DOCK8: variants seen among roughly 807,000 people sequenced by gnomAD.
DOCK8 encodes the protein dedicator of cytokinesis protein 8.
In DOCK8, 141 loss-of-function variants were observed where a neutral mutation model predicts 245.6. The ratio of observed to expected loss-of-function variants is 0.57; its 90% CI spans 0.50 to 0.66. DOCK8 has a LOEUF of 0.66. DOCK8 is among the 30% of genes least tolerant of loss of function. The pLI is 0.00. For synonymous variants in DOCK8, 1,168 were observed against 970.2 expected (o/e 1.20, Z -3.79); for missense variants, 2,965 against 2,603.4 (o/e 1.14, Z -3.02).
At position 464,173 on chromosome 9, in the gene DOCK8, G is replaced by A. The variant is rs1322916600; in HGVS notation, c.6254G>A (p.Arg2085Lys). 1.2e-6 allele frequency: 2 copies of A among 1,613,758 alleles called. No homozygotes were observed. The highest frequency in any genetic ancestry group is 1.7e-6 in the Non-Finnish European group (2 of 1,179,676). Residue 2085 changes from arginine (R) to lysine (K), a missense_variant, in exon 48 of 48, where the codon AGA becomes AAA. Physicochemically the swap from Arg to Lys is conservative, Grantham distance 26 (BLOSUM62 2). This residue lies in a region of DOCK8 where 134 missense variants were observed against 128.1 expected (regional missense o/e 1.05). Transcript: ENST00000432829. ...VESQKRDSFHRSSFRKCETQL... is the reference protein window; with the variant it reads ...VESQKRDSFHKSSFRKCETQL... ...CTTAATTTCAGGGACTCCTTCCACAGATCTAGTTTCAGGAAATGTGAAACC... is the reference window on the plus strand; with the variant it reads ...CTTAATTTCAGGGACTCCTTCCACAAATCTAGTTTCAGGAAATGTGAAACC...
rs746187302 is a variant in DOCK8 at position 441,272 on chromosome 9, C to A, written c.5224-14C>A. 6.2e-7 allele frequency: 1 copy of A among 1,613,998 alleles called. No individual in the cohort carries two copies. On this transcript the variant is annotated splice_polypyrimidine_tract_variant and intron_variant, in intron 40 of 47. Transcript: ENST00000432829. ...GGATTAAATTCTCTCTGATGCTCTT[C>A]TCCTCTTTCCAAGGGAGGCTTATAT...
chr9:247,908 A>G (rs1424719764), intron 1 of DOCK8, among the ~76,000 whole-genome samples: 1 of 152,004 alleles, frequency 6.6e-6, no homozygotes, highest in African/African-American at 2.4e-5. Flanking sequence ...TAATAAATAA[A>G]CTAAAACATT....
chr9:287,680 A>C (rs180696675), intron 3 of DOCK8, among the ~76,000 whole-genome samples: 7 of 152,344 alleles, frequency 4.6e-5, no homozygotes, highest in Admixed American at 4.6e-4. Context: ...TTTTAAAAAT[A>C]CACACTTCCC....
Position 298,399 on chromosome 9 carries a change from TG to T in DOCK8, c.405-6179del, listed in dbSNP as rs539343292. 3.0e-3 allele frequency among the ~76,000 whole-genome samples: 455 copies of T among 152,308 alleles called. 3 individuals are homozygous for T. The highest frequency in any genetic ancestry group is 0.01 in the African/African-American group (434 of 41,550). On this transcript the variant is annotated intron_variant, in intron 4 of 47. Coordinates refer to ENST00000432829, the MANE Select transcript of DOCK8 (RefSeq NM_203447.4). ...AAGATCATGCCGCTGTACTCCAGCCTGGGTGAAGGAGCCAGACTCTGTCTCC... is the reference window on the plus strand; with the variant it reads ...AAGATCATGCCGCTGTACTCCAGCCTGGTGAAGGAGCCAGACTCTGTCTCC...
chr9:414,656 C>T (rs964121933), intron 28 of DOCK8, 126 bp from the exon 29 acceptor site: 1 of 1,141,774 alleles, frequency 8.8e-7, no homozygotes, highest in Admixed American at 1.7e-5. Context: ...TAGTTCTATC[C>T]TATATTGCTT....
At chr9:350,114 T>G (rs77741929) in intron 14 of DOCK8, among the ~76,000 whole-genome samples, 3,799 of 152,184 alleles carry the variant, frequency 0.025, 164 homozygotes, top group African/African-American at 0.087. Context: ...TGCCCTTCTT[T>G]CATTTTCTTC....
intron 1 of DOCK8, among the ~76,000 whole-genome samples, chr9:255,748 T>C (rs1345756679): frequency 6.6e-6 from 1 of 151,978 alleles, no homozygotes; most frequent in African/African-American, 2.4e-5. Flanking sequence ...TCTAGTCTCT[T>C]ATCATTTCTT....
In DOCK8 at chr9:250,411, C is replaced by A. The variant is rs540568417; in HGVS notation, c.54-21216C>A. On this transcript the variant is annotated intron_variant, in intron 1 of 47. Transcript: ENST00000432829. ...ATGAAACAATTAAAGAAACTGATCT[C>A]CTCTGAGAAAAAGACCATTTACAAT... is the stretch of plus-strand genomic sequence containing the variant. 6.6e-5 allele frequency among the ~76,000 whole-genome samples: 10 copies of A among 152,234 alleles called. No individual in the cohort carries two copies. In the South Asian group the frequency reaches 8.3e-4, roughly 13 times the overall value.
chr9:217,236 A>G (rs1359203562), intron 1 of DOCK8, among the ~76,000 whole-genome samples: 2 of 152,186 alleles, frequency 1.3e-5, no homozygotes, highest in East Asian at 3.8e-4. Flanking sequence ...CATTAACATT[A>G]CAATCAGCTT....
chr9:254,859 C>T (rs1401887609), intron 1 of DOCK8, among the ~76,000 whole-genome samples: 1 of 152,146 alleles, frequency 6.6e-6, no homozygotes, highest in Non-Finnish European at 1.5e-5. Context: ...TACATCTGAA[C>T]CCTTGGCGTT....
Position 344,277 on chromosome 9 carries a change from A to G in DOCK8, c.1679+3956A>G, listed in dbSNP as rs553654063. 1.5e-4 allele frequency among the ~76,000 whole-genome samples: 23 copies of G among 152,352 alleles called. No homozygotes were observed. In the South Asian group the frequency reaches 3.5e-3, roughly 23 times the overall value. ...CATATTTTATAGTCTATTTAAGGAA[A>G]GAGAGAGATAATGAACTTGGTTTGG... On this transcript the variant is annotated intron_variant, in intron 14 of 47. Transcript: ENST00000432829.
chr9:249,184 C>G (rs2047587204), intron 1 of DOCK8, among the ~76,000 whole-genome samples: 1 of 152,208 alleles, frequency 6.6e-6, no homozygotes. Context: ...ACTTTCAAGT[C>G]TAGAGATGGT....
chr9:234,558 T>C, intron 1 of DOCK8, among the ~76,000 whole-genome samples: 1 of 152,244 alleles, frequency 6.6e-6, no homozygotes. Flanking sequence ...TTTGGTCTTT[T>C]CACATAGTCC....
chr9:416,771 A>C (rs544403012), intron 29 of DOCK8, among the ~76,000 whole-genome samples: 1 of 152,314 alleles, frequency 6.6e-6, no homozygotes, highest in African/African-American at 2.4e-5. Context: ...TCTACCTTTT[A>C]GGTTTACGAT....
intron 1 of DOCK8, among the ~76,000 whole-genome samples, chr9:264,875 C>T (rs778676242): frequency 2.0e-5 from 3 of 152,220 alleles, no homozygotes; most frequent in Admixed American, 6.5e-5. Flanking sequence ...CCTTTGATAG[C>T]TGCATCATTC....
intron 1 of DOCK8, among the ~76,000 whole-genome samples, chr9:227,307 G>C (rs140807533): frequency 6.6e-6 from 1 of 152,174 alleles, no homozygotes; most frequent in Non-Finnish European, 1.5e-5. Context: ...TACTTCCCTC[G>C]TAGAGGTTTT....
intron 4 of DOCK8, among the ~76,000 whole-genome samples, chr9:297,004 C>T (rs1432251515): frequency 6.6e-6 from 1 of 152,148 alleles, no homozygotes; most frequent in African/African-American, 2.4e-5. Context: ...GCTTCAACTT[C>T]CTATTCTGGA....
intron 43 of DOCK8, among the ~76,000 whole-genome samples, chr9:444,341 T>TAATAATAATAAC (rs2057183246): frequency 6.7e-6 from 1 of 148,546 alleles, no homozygotes. Flanking sequence ...AAGCAAATAA[T>TAATAATAATAAC]AATAATAATA....
chr9:400,146 C>T (rs2054759594), intron 26 of DOCK8, among the ~76,000 whole-genome samples: 1 of 85,940 alleles, frequency 1.2e-5, no homozygotes, highest in Non-Finnish European at 2.2e-5. Flanking sequence ...CCACCACCTC[C>T]ACCATCACCA....
Sources: gnomAD v4.1 joint callset for allele counts (sites outside exome capture counted in the v4.1 genomes callset) on GRCh38, gnomAD v4.1.1 for gene constraint, gnomAD v4.1.1 regional missense constraint, MANE v1.5 for transcripts, NCBI Gene and HGNC (gene_info 2026-07-23, HGNC 2026-07-21) for gene names.